Variants in ANAPC4 observed in about 807,000 individuals in gnomAD.
ANAPC4 encodes the protein anaphase-promoting complex subunit 4.
Under a neutral mutation model 119.8 loss-of-function variants are expected in ANAPC4, and 63 were observed. That is an observed-to-expected ratio of 0.53 (90% CI 0.43 to 0.65). ANAPC4 has a LOEUF of 0.65. ANAPC4 is among the 30% of genes least tolerant of loss of function. The pLI is 0.00. For synonymous variants in ANAPC4, 283 were observed against 318.6 expected, an observed-to-expected ratio of 0.89 and a Z score of 1.19; for missense variants, 716 against 945.1, an observed-to-expected ratio of 0.76 and a Z score of 3.18.
intron 20 of ANAPC4, among the ~76,000 whole-genome samples, chr4:25,408,788 C>T (rs1023379854): frequency 3.9e-5 from 6 of 152,192 alleles, no homozygotes; most frequent in East Asian, 3.9e-4. Context: ...CATGAACCAC[C>T]GTGCCCAGCC....
intron 21 of ANAPC4, 81 bp from the exon 22 acceptor site, chr4:25,413,564 T>A: frequency 9.5e-7 from 1 of 1,053,906 alleles, no homozygotes; most frequent in Non-Finnish European, 1.4e-6. Flanking sequence ...GCAGACTGGC[T>A]CTAACAGTAG....
At chr4:25,394,971 G>T in intron 14 of ANAPC4, 66 bp downstream of exon 14, 2 of 1,239,216 alleles carry the variant, frequency 1.6e-6, no homozygotes, top group Non-Finnish European at 1.1e-6. Context: ...CCTTCTTTCC[G>T]CCGCCTTTTC....
At chr4:25,408,765 C>T (rs994990250) in intron 20 of ANAPC4, among the ~76,000 whole-genome samples, 4 of 151,858 alleles carry the variant, frequency 2.6e-5, no homozygotes, top group African/African-American at 4.8e-5. Flanking sequence ...TCCTAAAGTG[C>T]GGGGATTACA....
intron 16 of ANAPC4, among the ~76,000 whole-genome samples, chr4:25,400,346 C>T (rs1722896805): frequency 6.6e-6 from 1 of 152,042 alleles, no homozygotes; most frequent in South Asian, 2.1e-4. Context: ...AGGAGCTCAT[C>T]AGTTGTAGGA....
At chr4:25,414,800 G>T in intron 25 of ANAPC4, 100 bp downstream of exon 25, 1 of 1,129,672 alleles carries the variant, frequency 8.9e-7, no homozygotes, top group Non-Finnish European at 1.2e-6. Context: ...AAACTACTTT[G>T]TGACTTTTAG....
intron 7 of ANAPC4, 73 bp from the exon 8 acceptor site, chr4:25,390,063 T>A: frequency 9.4e-7 from 1 of 1,061,648 alleles, no homozygotes. Context: ...AGTAATAATT[T>A]ATATCTCGCT....
intron 9 of ANAPC4, among the ~76,000 whole-genome samples, chr4:25,391,392 C>T (rs976381855): frequency 1.3e-5 from 2 of 152,170 alleles, no homozygotes; most frequent in East Asian, 3.8e-4. Context: ...TTTGAATCTT[C>T]ACAGCATCAT....
chr4:25,412,510 T>C (rs1320514944), intron 21 of ANAPC4, among the ~76,000 whole-genome samples: 2 of 152,010 alleles, frequency 1.3e-5, no homozygotes, highest in African/African-American at 4.8e-5. Context: ...AAGATGGTAG[T>C]CCTAGCACTT....
In ANAPC4 at chr4:25,377,328, G is replaced by A; in HGVS notation, c.-27G>A. On this transcript the variant is annotated 5_prime_UTR_variant, in exon 1 of 29. Coordinates refer to ENST00000315368, the MANE Select transcript of ANAPC4 (RefSeq NM_013367.3). ...GCCACTGGGGCCGTGTTAGTCTGCC[G>A]GTGGGGACTCTTGCAGGTACAGGCG... The A allele has an allele frequency of 6.6e-7, 1 of 1,506,656 alleles. No individual in the cohort carries two copies. The highest frequency in any genetic ancestry group is 1.9e-5 in the Admixed American group (1 of 52,134). 93.3% of individuals were successfully genotyped at this position (1,506,656 alleles called of 1,614,324 possible). A position where few individuals can be genotyped will look rare whatever the true frequency, so the allele number is the denominator to read the frequency against.
intron 7 of ANAPC4, among the ~76,000 whole-genome samples, chr4:25,389,597 C>G (rs945239271): frequency 6.6e-6 from 1 of 152,168 alleles, no homozygotes; most frequent in Non-Finnish European, 1.5e-5. Flanking sequence ...CTGGCCTTAT[C>G]GTTGACATTA....
At chr4:25,410,475 T>C (rs1723499613) in intron 21 of ANAPC4, among the ~76,000 whole-genome samples, 1 of 152,202 alleles carries the variant, frequency 6.6e-6, no homozygotes, top group Non-Finnish European at 1.5e-5. Flanking sequence ...CAATACCTGC[T>C]TTAATCCTCA....
At chr4:25,382,871 T>C (rs1259661524) in intron 3 of ANAPC4, among the ~76,000 whole-genome samples, 2 of 152,196 alleles carry the variant, frequency 1.3e-5, no homozygotes, top group Non-Finnish European at 2.9e-5. Context: ...TAAAAAGCAT[T>C]CCAAGAACAA....
At position 25,407,161 on chromosome 4, in the gene ANAPC4, T is replaced by TTAA. The variant is rs780992951; in HGVS notation, c.1375-36_1375-35insTAA. 3 of 1,543,630 alleles carry TTAA rather than the reference T, an allele frequency of 1.9e-6. No individual in the cohort carries two copies. The South Asian group carries it at 3.5e-5, about 18-fold the overall frequency. ...ATTTAAGATATTTTTCTTCGTGAGT[T>TTAA]GACTTAAGAATTAAACTATGTTTAT... On this transcript the variant is annotated intron_variant, in intron 19 of 28. Transcript: ENST00000315368.
chr4:25,391,669 C>T lies in ANAPC4; in HGVS notation c.705+654C>T, dbSNP rs565837055. On this transcript the variant is annotated intron_variant, in intron 9 of 28. Coordinates refer to ENST00000315368, the MANE Select transcript of ANAPC4 (RefSeq NM_013367.3). ...TTAGATCATAGCCTTGCCAAGAAAT[C>T]GAAAATTTTCATCTTAAATATCCCA... 3.4e-4 allele frequency among the ~76,000 whole-genome samples: 52 copies of T among 152,264 alleles called. No homozygotes were observed. The East Asian group carries it at 5.6e-3, about 16-fold the overall frequency.
At chr4:25,400,371 A>T (rs1722898657) in intron 16 of ANAPC4, among the ~76,000 whole-genome samples, 1 of 152,102 alleles carries the variant, frequency 6.6e-6, no homozygotes, top group Non-Finnish European at 1.5e-5. Context: ...AGGCTGAGAG[A>T]GGAGGGTCAC....
At position 25,390,244 on chromosome 4, in the gene ANAPC4, CTTCCTAAATTATTTCTCTTAG is replaced by C; in HGVS notation, c.600+25_600+45del. ...GGGTAAGATTTCTTTAACATTTTCT[CTTCCTAAATTATTTCTCTTAG>C]AATATACTAGGTACTTATGGAAAAA... On this transcript the variant is annotated intron_variant, in intron 8 of 28. Transcript: ENST00000315368. 3 of 1,537,392 alleles carry C rather than the reference CTTCCTAAATTATTTCTCTTAG, an allele frequency of 2.0e-6. No individual in the cohort carries two copies. The South Asian group carries it at 3.4e-5, about 18-fold the overall frequency.
intron 4 of ANAPC4, 40 bp downstream of exon 4, chr4:25,383,433 G>C (rs1342153523): frequency 2.7e-6 from 4 of 1,491,992 alleles, no homozygotes; most frequent in Admixed American, 4.7e-5. Context: ...GTATTCATGA[G>C]ATTTTTATTT....
chr4:25,400,963 G>A (rs1270647289), intron 16 of ANAPC4, among the ~76,000 whole-genome samples: 4 of 152,232 alleles, frequency 2.6e-5, no homozygotes, highest in African/African-American at 9.6e-5. Flanking sequence ...TGGAGTAAAT[G>A]TCTAAGGTCG....
chr4:25,407,089 A>C, intron 19 of ANAPC4, 108 bp from the exon 20 acceptor site: 1 of 987,226 alleles, frequency 1.0e-6, no homozygotes, highest in Non-Finnish European at 1.5e-6. Context: ...AAAGAAAATA[A>C]TAACTGCCAC....
Sources: allele counts gnomAD v4.1 joint callset (sites outside exome capture counted in the v4.1 genomes callset), GRCh38; gene constraint gnomAD v4.1.1; transcripts MANE v1.5; gene names NCBI Gene and HGNC (gene_info 2026-07-23, HGNC 2026-07-21).